CDH11: variants seen among roughly 807,000 people sequenced by gnomAD.
The protein encoded by CDH11 is cadherin 11.
In CDH11, 11 loss-of-function variants were observed where a neutral mutation model predicts 67.8. The ratio of observed to expected loss-of-function variants is 0.16; its 90% CI spans 0.10 to 0.27. The LOEUF (loss-of-function observed/expected upper bound fraction) is 0.27. CDH11 is among the 10% of genes least tolerant of loss of function. The probability of loss-of-function intolerance (pLI) is 1.00; values close to 1 mark genes in which losing one functional copy is unlikely to be tolerated. For missense variants in CDH11, 847 were observed against 1,031.2 expected, an observed-to-expected ratio of 0.82 and a Z score of 2.45; for synonymous variants, 419 against 400.0, an observed-to-expected ratio of 1.05 and a Z score of -0.57.
At chr16:65,049,006 T>A (rs1326573508) in intron 2 of CDH11, among the ~76,000 whole-genome samples, 2 of 151,884 alleles carry the variant, frequency 1.3e-5, no homozygotes, top group Non-Finnish European at 2.9e-5. Flanking sequence ...AAACAATGGG[T>A]ACACATAGAT....
intron 1 of CDH11, among the ~76,000 whole-genome samples, chr16:65,090,761 C>G (rs1285756059): frequency 6.6e-6 from 1 of 152,100 alleles, no homozygotes; most frequent in African/African-American, 2.4e-5. Context: ...AAATTAAAAA[C>G]AAAATGTAAA....
At chr16:65,058,408 T>G (rs1272495299) in intron 1 of CDH11, among the ~76,000 whole-genome samples, 1 of 152,212 alleles carries the variant, frequency 6.6e-6, no homozygotes, top group African/African-American at 2.4e-5. Context: ...GGCCATCCAC[T>G]TTTCTGGTGG....
intron 2 of CDH11, among the ~76,000 whole-genome samples, chr16:65,053,215 A>C (rs916511937): frequency 8.5e-5 from 13 of 152,346 alleles, no homozygotes; most frequent in Middle Eastern, 3.4e-3. Flanking sequence ...ATGGATTCGT[A>C]GAATCCTAAA....
intron 2 of CDH11, among the ~76,000 whole-genome samples, chr16:65,005,613 T>A (rs182047079): frequency 1.7e-3 from 253 of 152,174 alleles, no homozygotes; most frequent in Non-Finnish European, 2.9e-3. Flanking sequence ...TAGGGGAAGA[T>A]CCCAAGAAAC....
rs183156762 is a variant in CDH11 at position 64,944,067 on chromosome 16, A to T, written c.*3536T>A. 3 of 232,654 alleles carry T rather than the reference A, an allele frequency of 1.3e-5. No individual in the cohort carries two copies. The Admixed American group carries it at 1.7e-4, about 13-fold the overall frequency. The allele number at this position is 232,654 out of a possible 1,614,324, so 14.4% of individuals were successfully genotyped here. A position where few individuals can be genotyped will look rare whatever the true frequency, so the allele number is the denominator to read the frequency against. On this transcript the variant is annotated 3_prime_UTR_variant, in exon 13 of 13. Transcript: ENST00000268603. ...GCATCGTGCACTGAAAGGAGGATGG[A>T]GTGGAATGACACTGGAGAGGTTCGC... is the stretch of plus-strand genomic sequence containing the variant.
chr16:64,996,808 A>G (rs1187791714), intron 4 of CDH11, among the ~76,000 whole-genome samples: 1 of 152,146 alleles, frequency 6.6e-6, no homozygotes, highest in Non-Finnish European at 1.5e-5. Flanking sequence ...CAAATACCAC[A>G]TGCTTTCATT....
At chr16:65,053,140 T>C (rs781294739) in intron 2 of CDH11, among the ~76,000 whole-genome samples, 4 of 152,214 alleles carry the variant, frequency 2.6e-5, no homozygotes, top group Non-Finnish European at 5.9e-5. Context: ...TAAATTTCTA[T>C]CTGGATATTT....
upstream of CDH11, chr16:65,122,243 G>C (rs1478516056): frequency 6.5e-6 from 3 of 462,554 alleles, no homozygotes; most frequent in Admixed American, 4.2e-5. Flanking sequence ...CAGAGGCTGC[G>C]GGGGCCGACC....
chr16:65,014,724 G>T (rs180920434), intron 2 of CDH11, among the ~76,000 whole-genome samples: 1,854 of 139,632 alleles, frequency 0.013, 11 homozygotes, highest in Non-Finnish European at 0.02. Flanking sequence ...CGCAGATGTA[G>T]ACGGTTTTAG....
chr16:65,009,144 T>C lies in CDH11; in HGVS notation c.-172-4103A>G, dbSNP rs564187258. Among the ~76,000 whole-genome samples the C allele has an allele frequency of 5.4e-4, 82 of 152,158 alleles. 1 individual carries two copies. The highest frequency in any genetic ancestry group is 1.0e-3 in the South Asian group (5 of 4,808). ...ATTTTACCTAAGAGAAGGCTGCAGGTCAAATTTAGGCACACTAATACAAAT... is the reference window on the plus strand; with the variant it reads ...ATTTTACCTAAGAGAAGGCTGCAGGCCAAATTTAGGCACACTAATACAAAT... On this transcript the variant is annotated intron_variant, in intron 2 of 12. Transcript: ENST00000268603.
chr16:65,036,669 A>G (rs572625091), intron 2 of CDH11, among the ~76,000 whole-genome samples: 11 of 152,262 alleles, frequency 7.2e-5, no homozygotes, highest in African/African-American at 2.6e-4. Flanking sequence ...CATATGTTCT[A>G]CTAAGACAGA....
intron 1 of CDH11, among the ~76,000 whole-genome samples, chr16:65,118,071 G>A (rs1727363446): frequency 6.6e-6 from 1 of 152,174 alleles, no homozygotes. Context: ...TCCTGAGAGG[G>A]CCAGACAAGG....
At chr16:65,045,331 A>G (rs1222463725) in intron 2 of CDH11, among the ~76,000 whole-genome samples, 14 of 38,802 alleles carry the variant, frequency 3.6e-4, no homozygotes, top group African/African-American at 1.1e-3. Context: ...CCTCAAAAGT[A>G]TATATATATA....
In CDH11 at chr16:65,028,522, TAC is replaced by T. The variant is rs377669572; in HGVS notation, c.-172-23483_-172-23482del. ...CCCTCCAACACCCACACATAAGAGA[TAC>T]ACACACACACGTCTATGCCTCATCT... On this transcript the variant is annotated intron_variant, in intron 2 of 12. Transcript: ENST00000268603. Among the ~76,000 whole-genome samples, 7 of 152,088 alleles carry T rather than the reference TAC, an allele frequency of 4.6e-5. No individual in the cohort carries two copies. The East Asian group carries it at 1.4e-3, about 29-fold the overall frequency.
At chr16:65,010,612 A>T (rs1174421092) in intron 2 of CDH11, among the ~76,000 whole-genome samples, 1 of 152,140 alleles carries the variant, frequency 6.6e-6, no homozygotes, top group Non-Finnish European at 1.5e-5. Flanking sequence ...TACCAAATTC[A>T]AATGTTAAAG....
chr16:64,960,964 T>A (rs1320752374), intron 11 of CDH11, among the ~76,000 whole-genome samples: 1 of 152,172 alleles, frequency 6.6e-6, no homozygotes, highest in Non-Finnish European at 1.5e-5. Flanking sequence ...ACTCTATTCA[T>A]GATAACTATC....
chr16:65,073,681 C>G (rs533805650), intron 1 of CDH11, among the ~76,000 whole-genome samples: 1 of 152,268 alleles, frequency 6.6e-6, no homozygotes, highest in South Asian at 2.1e-4. Flanking sequence ...CCAAACTAGA[C>G]CTAGCTCTGG....
rs34181449 is a variant in CDH11 at position 64,947,363 on chromosome 16, G to GT, written c.*239dup. On this transcript the variant is annotated 3_prime_UTR_variant, in exon 13 of 13. Transcript: ENST00000268603. ...CACTTAAATATTTTGTATGCCAAGT[G>GT]TTTTTTTTTTCTAGCGAAGTTGATA... 0.023 allele frequency: 23,385 copies of GT among 1,017,050 alleles called. 1 individual carries two copies. The highest frequency in any genetic ancestry group is 0.043 in the East Asian group (1,088 of 25,504). The allele number at this position is 1,017,050 out of a possible 1,614,324, so 63.0% of individuals were successfully genotyped here. A position where few individuals can be genotyped will look rare whatever the true frequency, so the allele number is the denominator to read the frequency against.
At chr16:65,100,419 T>TC (rs2074970553) in intron 1 of CDH11, among the ~76,000 whole-genome samples, 1 of 151,856 alleles carries the variant, frequency 6.6e-6, no homozygotes, top group African/African-American at 2.4e-5. Context: ...AAAAAAAAAT[T>TC]CCTTTTTCAG....
Sources: gnomAD v4.1 joint callset for allele counts (sites outside exome capture counted in the v4.1 genomes callset) on GRCh38, gnomAD v4.1.1 for gene constraint, MANE v1.5 for transcripts, NCBI Gene and HGNC (gene_info 2026-07-23, HGNC 2026-07-21) for gene names.